CSMD1: variants seen among roughly 807,000 people sequenced by gnomAD.
CSMD1 encodes the protein CUB and sushi domain-containing protein 1.
CSMD1 carries 213 observed loss-of-function variants against 417.5 expected under a neutral mutation model. That is an observed-to-expected ratio of 0.51 (90% CI 0.46 to 0.57). The LOEUF (loss-of-function observed/expected upper bound fraction) is 0.57. Ranked by LOEUF, CSMD1 falls within the 20% of genes least tolerant of loss-of-function variation. The probability of loss-of-function intolerance (pLI) is 0.00; values close to 1 mark genes in which losing one functional copy is unlikely to be tolerated. For synonymous variants in CSMD1, 2,862 were observed against 1,736.8 expected (o/e 1.65, Z -16.11); for missense variants, 6,923 against 4,529.7 (o/e 1.53, Z -15.17).
chr8:3,511,762 A>AAATAACATAACATAAC lies in CSMD1; in HGVS notation c.1345-18037_1345-18036insGTTATGTTATGTTATT, dbSNP rs398112115. Among the ~76,000 whole-genome samples the AAATAACATAACATAAC allele has an allele frequency of 1.4e-3, 198 of 138,426 alleles. 3 individuals are homozygous for AAATAACATAACATAAC. The highest frequency in any genetic ancestry group is 7.2e-3 in the East Asian group (34 of 4,738). 90.8% of individuals were successfully genotyped at this position (138,426 alleles called of 152,430 possible). A position where few individuals can be genotyped will look rare whatever the true frequency, so the allele number is the denominator to read the frequency against. On this transcript the variant is annotated intron_variant, in intron 10 of 69. Transcript: ENST00000635120. ...CAGAGTGAGACTCCATCTCTAAAAA[A>AAATAACATAACATAAC]ATAACATAACATAACATAACATAAC...
intron 3 of CSMD1, among the ~76,000 whole-genome samples, chr8:4,374,569 G>C (rs530300267): frequency 2.0e-5 from 3 of 152,122 alleles, no homozygotes; most frequent in Admixed American, 6.6e-5. Context: ...CACTGTCCAG[G>C]AATGAGCCAT....
chr8:4,853,252 T>C (rs2897731), intron 1 of CSMD1, among the ~76,000 whole-genome samples: 130,377 of 152,112 alleles, frequency 0.86, 56,754 homozygotes, highest in East Asian at 1. Context: ...GAGGCAGCCC[T>C]TCCCATGACA....
intron 36 of CSMD1, among the ~76,000 whole-genome samples, chr8:3,184,303 G>T (rs1821612896): frequency 6.6e-6 from 1 of 152,128 alleles, no homozygotes. Flanking sequence ...TTATCAGCCA[G>T]ATAAACTACT....
intron 3 of CSMD1, among the ~76,000 whole-genome samples, chr8:4,390,577 G>C (rs942074458): frequency 6.7e-6 from 1 of 150,002 alleles, no homozygotes; most frequent in East Asian, 2.0e-4. Flanking sequence ...GCAGTGGTGC[G>C]ATCTCAGCTC....
chr8:4,578,163 T>C (rs1799226473), intron 2 of CSMD1, among the ~76,000 whole-genome samples: 1 of 151,896 alleles, frequency 6.6e-6, no homozygotes, highest in South Asian at 2.1e-4. Context: ...TAAAAGAGCA[T>C]TTTTTGTTCT....
At chr8:4,475,637 G>A (rs571936637) in intron 2 of CSMD1, among the ~76,000 whole-genome samples, 1 of 151,638 alleles carries the variant, frequency 6.6e-6, no homozygotes, top group African/African-American at 2.4e-5. Context: ...TTTTCTTCGA[G>A]ACGGAGTCGC....
At chr8:3,880,200 G>C (rs1200330557) in intron 5 of CSMD1, among the ~76,000 whole-genome samples, 1 of 152,128 alleles carries the variant, frequency 6.6e-6, no homozygotes, top group Non-Finnish European at 1.5e-5. Flanking sequence ...GGAGCAGTTA[G>C]GGAAAATAAT....
chr8:3,255,369 T>C (rs1190754574), intron 26 of CSMD1, among the ~76,000 whole-genome samples: 1 of 152,184 alleles, frequency 6.6e-6, no homozygotes, highest in Non-Finnish European at 1.5e-5. Context: ...AGCTGTGTGC[T>C]GGGAGAACCA....
chr8:3,542,133 G>A (rs181623499), intron 10 of CSMD1, among the ~76,000 whole-genome samples: 60 of 152,272 alleles, frequency 3.9e-4, no homozygotes, highest in African/African-American at 1.1e-3. Context: ...TATTTCCTAT[G>A]GAAATCCCTT....
At chr8:3,158,119 ATTAG>A (rs1819648647) in intron 38 of CSMD1, among the ~76,000 whole-genome samples, 153 bp from the exon 39 acceptor site, 1 of 152,230 alleles carries the variant, frequency 6.6e-6, no homozygotes, top group African/African-American at 2.4e-5. Context: ...AGTAATGATT[ATTAG>A]TGAGTCACAT....
intron 41 of CSMD1, 149 bp from the exon 42 acceptor site, chr8:3,118,736 C>T (rs1817014385): frequency 9.6e-6 from 6 of 626,576 alleles, no homozygotes; most frequent in Non-Finnish European, 1.6e-5. Context: ...CAGTTGCCAT[C>T]CAGACCAATA....
intron 2 of CSMD1, among the ~76,000 whole-genome samples, chr8:4,488,119 G>T (rs1255148670): frequency 6.6e-6 from 1 of 152,252 alleles, no homozygotes; most frequent in African/African-American, 2.4e-5. Flanking sequence ...AGAAAGCAGG[G>T]TCTCCCCAGA....
chr8:4,372,001 G>T (rs976251329), intron 3 of CSMD1, among the ~76,000 whole-genome samples: 1 of 152,300 alleles, frequency 6.6e-6, no homozygotes, highest in East Asian at 1.9e-4. Flanking sequence ...GAAGACATAA[G>T]AGTTCAAAGG....
In CSMD1 at chr8:2,974,536, G is replaced by A. The variant is rs1197174162; in HGVS notation, c.8655C>T (p.Cys2885=). The A allele has an allele frequency of 1.9e-6, 3 of 1,613,480 alleles. No individual in the cohort carries two copies. The African/African-American group carries it at 4.0e-5, about 22-fold the overall frequency. Residue 2885 remains cysteine, a synonymous_variant, in exon 56 of 70, where the codon TGC becomes TGT. Transcript: ENST00000635120. Reference sequence around the variant, plus strand: ...TGCCTATGAGGCTCTCGCTCCCTCTGCAGGAGTAGTGCACGACGGCGCCAT... The same window carrying A: ...TGCCTATGAGGCTCTCGCTCCCTCTACAGGAGTAGTGCACGACGGCGCCAT... ...FTYGAVVHYS[C]RGSESLIGND... is the part of the protein sequence containing the mutation.
At chr8:3,996,369 G>A (rs1300041297) in intron 5 of CSMD1, among the ~76,000 whole-genome samples, 1 of 152,148 alleles carries the variant, frequency 6.6e-6, no homozygotes, top group Non-Finnish European at 1.5e-5. Context: ...AGGAAGAGGT[G>A]AGATCACTTG....
At chr8:4,410,674 G>C (rs1000403489) in intron 3 of CSMD1, among the ~76,000 whole-genome samples, 3 of 152,006 alleles carry the variant, frequency 2.0e-5, no homozygotes, top group South Asian at 2.1e-4. Flanking sequence ...TGACACAAGA[G>C]TATACTGGAA....
chr8:3,293,732 T>C (rs1404749301), intron 25 of CSMD1, among the ~76,000 whole-genome samples: 2 of 136,468 alleles, frequency 1.5e-5, no homozygotes, highest in Non-Finnish European at 3.4e-5. Context: ...ATTCGTTTAA[T>C]TTTTTTTACA....
At chr8:4,791,249 G>T (rs1563395358) in intron 1 of CSMD1, among the ~76,000 whole-genome samples, 2 of 152,310 alleles carry the variant, frequency 1.3e-5, no homozygotes, top group African/African-American at 4.8e-5. Context: ...TGGGGTTGCA[G>T]GGGCTTTGCC....
intron 42 of CSMD1, among the ~76,000 whole-genome samples, chr8:3,112,622 A>G (rs73504597): frequency 0.088 from 13,378 of 152,250 alleles, 1,720 homozygotes; most frequent in African/African-American, 0.28. Context: ...AGAGTGGGTT[A>G]TGTACCAGTA....
Sources: gnomAD v4.1 joint callset for allele counts (sites outside exome capture counted in the v4.1 genomes callset) on GRCh38, gnomAD v4.1.1 for gene constraint, MANE v1.5 for transcripts, NCBI Gene and HGNC (gene_info 2026-07-23, HGNC 2026-07-21) for gene names.